RNF38: variants seen among roughly 807,000 people sequenced by gnomAD.
RNF38 encodes the protein E3 ubiquitin-protein ligase RNF38.
RNF38 carries 15 observed loss-of-function variants against 67.2 expected under a neutral mutation model. That is an observed-to-expected ratio of 0.22 (90% CI 0.15 to 0.34). The LOEUF is 0.34. Ranked by LOEUF, RNF38 falls within the 10% of genes least tolerant of loss-of-function variation. The pLI, the probability that RNF38 is intolerant of heterozygous loss-of-function variation, is 1.00. For missense variants in RNF38, 524 were observed against 639.9 expected (o/e 0.82, Z 1.95); for synonymous variants, 220 against 218.8 (o/e 1.01, Z -0.05).
intron 1 of RNF38, among the ~76,000 whole-genome samples, chr9:36,438,803 G>C (rs976905978): frequency 2.6e-5 from 4 of 152,164 alleles, no homozygotes; most frequent in African/African-American, 9.7e-5. Context: ...CTCGGGAAGA[G>C]ATGTCCTCTC....
intron 1 of RNF38, among the ~76,000 whole-genome samples, chr9:36,397,938 A>T (rs115119278): frequency 0.013 from 1,998 of 152,256 alleles, 53 homozygotes; most frequent in African/African-American, 0.044. Context: ...AAACCAATAA[A>T]AAATTTTATA....
Position 36,369,942 on chromosome 9 carries a change from A to G in RNF38, c.357-10T>C, listed in dbSNP as rs746258125. 7 of 1,607,790 alleles carry G rather than the reference A, an allele frequency of 4.4e-6. No individual in the cohort carries two copies. Among genetic ancestry groups the G allele is most frequent in the East Asian group, 4.5e-5 (2 of 44,852 alleles). On this transcript the variant is annotated splice_polypyrimidine_tract_variant and intron_variant, in intron 3 of 11. Transcript: ENST00000259605. ...GCGCCTGACAGGAGGACTGTGATAA[A>G]TATCAAAAAGAAAGTCATTATGCTT... is the stretch of plus-strand genomic sequence containing the variant.
At position 36,400,123 on chromosome 9, in the gene RNF38, A is replaced by T. The variant is rs1175379218; in HGVS notation, c.-15T>A. 3 of 1,612,276 alleles carry T rather than the reference A, an allele frequency of 1.9e-6. No individual in the cohort carries two copies. The highest frequency in any genetic ancestry group is 2.5e-6 in the Non-Finnish European group (3 of 1,179,230). On this transcript the variant is annotated 5_prime_UTR_variant, in exon 1 of 12. Coordinates refer to ENST00000259605, the MANE Select transcript of RNF38 (RefSeq NM_022781.5). Reference sequence around the variant, plus strand: ...TTACAAGCCATACAGACGTAAACAAAAACTTTATTTCTTTTTGGACCTCAA... The same window carrying T: ...TTACAAGCCATACAGACGTAAACAATAACTTTATTTCTTTTTGGACCTCAA...
rs374396585 is a variant in RNF38, at chr9:36,451,491, GTTTTTT to G, written n.242-26814_242-26809del. On this transcript the variant is annotated intron_variant and non_coding_transcript_variant, in intron 1 of 3. Transcript: ENST00000488058. ...TAAAGAAGAAAAAAAAATTGTAGTA[GTTTTTT>G]TTTTTTTTTTTTTTTTTTTTGAGAC... is the stretch of plus-strand genomic sequence containing the variant. Among the ~76,000 whole-genome samples the G allele has an allele frequency of 7.5e-4, 44 of 58,688 alleles. 1 individual carries two copies. Among genetic ancestry groups the G allele is most frequent in the Admixed American group, 3.3e-3 (14 of 4,200 alleles). 38.5% of individuals were successfully genotyped at this position (58,688 alleles called of 152,430 possible).
chr9:36,406,287 A>G (rs146027986), intron 2 of RNF38, among the ~76,000 whole-genome samples: 1 of 152,244 alleles, frequency 6.6e-6, no homozygotes, highest in Non-Finnish European at 1.5e-5. Flanking sequence ...AACCATTCAC[A>G]TGGAAGGAAA....
At chr9:36,369,228 C>A (rs1835190517) in intron 4 of RNF38, among the ~76,000 whole-genome samples, 2 of 152,184 alleles carry the variant, frequency 1.3e-5, no homozygotes, top group South Asian at 4.1e-4. Flanking sequence ...TCTAAGCTTT[C>A]ATAACCTTGA....
chr9:36,413,459 CA>C (rs1291246353), intron 2 of RNF38, among the ~76,000 whole-genome samples: 1 of 152,192 alleles, frequency 6.6e-6, no homozygotes, highest in Non-Finnish European at 1.5e-5. Context: ...CTAACATAAT[CA>C]TGCTCAATGA....
intron 2 of RNF38, among the ~76,000 whole-genome samples, chr9:36,421,204 A>C (rs1435196432): frequency 6.6e-6 from 1 of 152,242 alleles, no homozygotes; most frequent in East Asian, 1.9e-4. Context: ...AAAGACAACA[A>C]GCAAAGAATC....
At chr9:36,349,624 CAAT>C (rs1266043416) in intron 9 of RNF38, among the ~76,000 whole-genome samples, 1 of 152,190 alleles carries the variant, frequency 6.6e-6, no homozygotes, top group East Asian at 1.9e-4. Context: ...CCTTTTAGTT[CAAT>C]GTAGTCCTAG....
chr9:36,412,703 G>C (rs912643460), intron 2 of RNF38, among the ~76,000 whole-genome samples: 7 of 152,232 alleles, frequency 4.6e-5, no homozygotes, highest in African/African-American at 1.7e-4. Context: ...ACTTTGGGAT[G>C]CCGAGGTGGA....
intron 8 of RNF38, among the ~76,000 whole-genome samples, chr9:36,352,136 C>A (rs1833739452): frequency 3.3e-5 from 5 of 152,020 alleles, no homozygotes. Flanking sequence ...CCTGTTTCTA[C>A]TAAAAGTACA....
Position 36,451,502 on chromosome 9 carries a change from T to TG in RNF38, n.242-26820_242-26819insC, listed in dbSNP as rs1564068039. ...AAAAAATTGTAGTAGTTTTTTTTTT[T>TG]TTTTTTTTTTTTTTTGAGACGGAGT... is the stretch of plus-strand genomic sequence containing the variant. On this transcript the variant is annotated intron_variant and non_coding_transcript_variant, in intron 1 of 3. Coordinates refer to the RNF38 transcript ENST00000488058. 5.3e-3 allele frequency among the ~76,000 whole-genome samples: 719 copies of TG among 136,028 alleles called. 14 individuals are homozygous for TG. Among genetic ancestry groups the TG allele is most frequent in the African/African-American group, 0.018 (617 of 34,694 alleles). The allele number at this position is 136,028 out of a possible 152,430, so 89.2% of individuals were successfully genotyped here. A position where few individuals can be genotyped will look rare whatever the true frequency, so the allele number is the denominator to read the frequency against.
In RNF38 at chr9:36,339,020, T is replaced by C. The variant is rs572087938; in HGVS notation, c.*732A>G. Reference sequence around the variant, plus strand: ...CTTAGGACCACCAATAAAGAGAAGGTGACAGCTGCCTGAAGCAAAGGAAGA... The same window carrying C: ...CTTAGGACCACCAATAAAGAGAAGGCGACAGCTGCCTGAAGCAAAGGAAGA... On this transcript the variant is annotated 3_prime_UTR_variant, in exon 12 of 12. Transcript: ENST00000259605. 3 of 152,626 alleles carry C rather than the reference T, an allele frequency of 2.0e-5. No homozygotes were observed. The highest frequency in any genetic ancestry group is 7.2e-5 in the African/African-American group (3 of 41,514). 9.5% of individuals were successfully genotyped at this position (152,626 alleles called of 1,614,324 possible).
intron 1 of RNF38, among the ~76,000 whole-genome samples, chr9:36,446,654 G>A (rs1181580939): frequency 6.7e-6 from 1 of 148,402 alleles, no homozygotes; most frequent in Admixed American, 6.7e-5. Flanking sequence ...TAAAAACACA[G>A]AAAGTTAGCC....
chr9:36,347,377 A>G (rs1166566297), intron 9 of RNF38, among the ~76,000 whole-genome samples: 1 of 152,160 alleles, frequency 6.6e-6, no homozygotes, highest in Non-Finnish European at 1.5e-5. Context: ...AACAAAAACA[A>G]AAAATTGAAG....
chr9:36,344,594 G>C (rs1833083256), intron 10 of RNF38, among the ~76,000 whole-genome samples: 1 of 152,210 alleles, frequency 6.6e-6, no homozygotes, highest in Non-Finnish European at 1.5e-5. Context: ...CTATTAGCTA[G>C]TACGACTAAG....
intron 1 of RNF38, among the ~76,000 whole-genome samples, chr9:36,465,514 T>C (rs527518784): frequency 1.3e-5 from 2 of 152,198 alleles, no homozygotes; most frequent in East Asian, 3.9e-4. Context: ...GCCTGGCTGA[T>C]TTTATATTTT....
intron 1 of RNF38, among the ~76,000 whole-genome samples, chr9:36,473,926 C>T (rs1332642860): frequency 4.8e-5 from 7 of 147,142 alleles, no homozygotes; most frequent in African/African-American, 1.8e-4. Context: ...GCGGACGTTG[C>T]AGCGAGCTGA....
Position 36,352,764 on chromosome 9 carries a change from G to A in RNF38, c.1156C>T (p.Pro386Ser). Residue 386 changes from proline to serine, a missense_variant, in exon 8 of 12, where the codon CCC becomes TCC. By Grantham distance (74) the Pro-to-Ser change is moderately conservative. Around this residue, in one of 2 missense-constraint regions of RNF38, gnomAD observed 461 missense variants for 517.4 expected, o/e 0.89. Coordinates refer to ENST00000259605, the MANE Select transcript of RNF38 (RefSeq NM_022781.5). ...TACAACACATATGGCAGTAAGCTGG[G>A]ATGATAAGGGGGAGGTGGTATTGGC... is the stretch of plus-strand genomic sequence containing the variant. ...QQPIPPPPYH[P>S]SLLPYVLSML... 1 of 1,613,442 alleles carries A rather than the reference G, an allele frequency of 6.2e-7. No individual in the cohort carries two copies. The highest frequency in any genetic ancestry group is 8.5e-7 in the Non-Finnish European group (1 of 1,179,398).
Sources: gnomAD v4.1 joint callset for allele counts (sites outside exome capture counted in the v4.1 genomes callset) on GRCh38, gnomAD v4.1.1 for gene constraint, gnomAD v4.1.1 regional missense constraint, MANE v1.5 for transcripts, NCBI Gene and HGNC (gene_info 2026-07-23, HGNC 2026-07-21) for gene names.